STX8: variants seen among roughly 807,000 people sequenced by gnomAD.
STX8 encodes the protein syntaxin 8.
Under a neutral mutation model 37.5 loss-of-function variants are expected in STX8, and 23 were observed. That is an observed-to-expected ratio of 0.61 (90% confidence interval 0.44 to 0.87). The LOEUF is 0.87. STX8 is among the 40% of genes least tolerant of loss of function. The pLI is 0.00. For missense variants in STX8, 313 were observed against 284.7 expected (o/e 1.10, Z -0.71); for synonymous variants, 115 against 99.1 (o/e 1.16, Z -0.95).
chr17:9,347,164 G>C (rs1342181036), intron 7 of STX8, among the ~76,000 whole-genome samples: 1 of 151,542 alleles, frequency 6.6e-6, no homozygotes, highest in East Asian at 1.9e-4. Context: ...AAAAAGAAAT[G>C]CCTCTCCTTT....
intron 6 of STX8, among the ~76,000 whole-genome samples, chr17:9,429,303 C>T (rs949831639): frequency 6.9e-5 from 10 of 144,044 alleles, no homozygotes; most frequent in African/African-American, 2.3e-4. Context: ...TATATAAATA[C>T]ATTATTTATA....
At chr17:9,352,103 G>A (rs563692025) in intron 7 of STX8, among the ~76,000 whole-genome samples, 3 of 149,950 alleles carry the variant, frequency 2.0e-5, no homozygotes, top group South Asian at 2.1e-4. Flanking sequence ...GGTGAGCTAC[G>A]ATTGTGCCAC....
At chr17:9,437,516 G>A (rs1305636552) in intron 6 of STX8, among the ~76,000 whole-genome samples, 2 of 152,182 alleles carry the variant, frequency 1.3e-5, no homozygotes, top group South Asian at 2.1e-4. Flanking sequence ...AATTGCAGAC[G>A]TCTGACAACT....
intron 1 of STX8, among the ~76,000 whole-genome samples, chr17:9,573,730 T>C (rs1411353427): frequency 6.6e-6 from 1 of 152,138 alleles, no homozygotes; most frequent in East Asian, 1.9e-4. Context: ...ACAGTTCTAT[T>C]TCACTTTCAA....
At chr17:9,257,884 G>A (rs1444186976) in intron 7 of STX8, among the ~76,000 whole-genome samples, 1 of 152,242 alleles carries the variant, frequency 6.6e-6, no homozygotes, top group East Asian at 1.9e-4. Context: ...AGCTACTTGG[G>A]AGGCTGAGGC....
At chr17:9,329,026 G>A (rs569639283) in intron 7 of STX8, among the ~76,000 whole-genome samples, 2 of 134,148 alleles carry the variant, frequency 1.5e-5, no homozygotes, top group East Asian at 2.2e-4. Flanking sequence ...CTTGAGCATG[G>A]GCGACAAGAG....
intron 6 of STX8, among the ~76,000 whole-genome samples, chr17:9,422,019 C>T (rs1412720423): frequency 4.6e-5 from 7 of 152,034 alleles, no homozygotes; most frequent in African/African-American, 7.2e-5. Flanking sequence ...CCTGAGGCCT[C>T]GCCGAGCCAT....
intron 7 of STX8, among the ~76,000 whole-genome samples, chr17:9,293,967 G>A (rs1055291448): frequency 2.0e-5 from 3 of 151,790 alleles, no homozygotes; most frequent in African/African-American, 4.8e-5. Flanking sequence ...GGGTTTCACC[G>A]TGTTAGCCAG....
In STX8 at chr17:9,338,048, A is replaced by ATTT. The variant is rs972471091; in HGVS notation, c.643+40501_643+40503dup. On this transcript the variant is annotated intron_variant, in intron 7 of 7. Transcript: ENST00000306357. ...GAGGGCTTTGGGGCACCTCTGAAGG[A>ATTT]TTTTTTTTTTTTTTTTTTTTTTGAG... is the stretch of plus-strand genomic sequence containing the variant. 1.2e-3 allele frequency among the ~76,000 whole-genome samples: 129 copies of ATTT among 107,888 alleles called. 1 individual carries two copies. Among genetic ancestry groups the ATTT allele is most frequent in the African/African-American group, 2.6e-3 (72 of 27,452 alleles). The allele number at this position is 107,888 out of a possible 152,430, so 70.8% of individuals were successfully genotyped here.
intron 2 of STX8, among the ~76,000 whole-genome samples, chr17:9,567,765 C>A (rs1479318846): frequency 6.6e-6 from 1 of 152,250 alleles, no homozygotes; most frequent in Non-Finnish European, 1.5e-5. Flanking sequence ...TAGCTCACTG[C>A]AGCCTCCACC....
At chr17:9,501,730 T>C (rs534854566) in intron 5 of STX8, among the ~76,000 whole-genome samples, 45 of 151,012 alleles carry the variant, frequency 3.0e-4, no homozygotes, top group African/African-American at 9.7e-4. Context: ...TCCCAGCACT[T>C]TGGGAGGCCG....
intron 7 of STX8, among the ~76,000 whole-genome samples, chr17:9,367,616 G>C (rs1911268023): frequency 6.6e-6 from 1 of 152,122 alleles, no homozygotes; most frequent in African/African-American, 2.4e-5. Flanking sequence ...CAAAATGTGG[G>C]AATAAACTAA....
At chr17:9,330,678 C>G (rs1018324266) in intron 7 of STX8, among the ~76,000 whole-genome samples, 2 of 152,234 alleles carry the variant, frequency 1.3e-5, no homozygotes, top group African/African-American at 2.4e-5. Context: ...GGGATGGCCC[C>G]TGGCAGAGCC....
At chr17:9,478,377 CTGCCCTCCT>C (rs1308860604) in intron 6 of STX8, among the ~76,000 whole-genome samples, 4 of 152,174 alleles carry the variant, frequency 2.6e-5, no homozygotes, top group African/African-American at 9.6e-5. Flanking sequence ...CTCAGGTGAT[CTGCCCTCCT>C]TGGCCTCCCA....
At chr17:9,336,143 C>A (rs1251183827) in intron 7 of STX8, among the ~76,000 whole-genome samples, 1 of 152,042 alleles carries the variant, frequency 6.6e-6, no homozygotes, top group East Asian at 1.9e-4. Context: ...CATTTCAAAC[C>A]CCTTCTAATG....
At chr17:9,353,298 C>T (rs2142248431) in intron 7 of STX8, among the ~76,000 whole-genome samples, 1 of 152,260 alleles carries the variant, frequency 6.6e-6, no homozygotes. Flanking sequence ...TCTAGGCTTG[C>T]CTTTTATCTT....
intron 7 of STX8, among the ~76,000 whole-genome samples, chr17:9,295,645 A>T (rs558016746): frequency 6.6e-6 from 1 of 152,122 alleles, no homozygotes; most frequent in East Asian, 1.9e-4. Context: ...CGGGAGGCTG[A>T]GGCAGGAGAA....
At chr17:9,376,723 G>A (rs574796358) in intron 7 of STX8, among the ~76,000 whole-genome samples, 41 of 152,100 alleles carry the variant, frequency 2.7e-4, no homozygotes, top group South Asian at 1.7e-3. Context: ...CGAACCCACC[G>A]GAAGGAAGAA....
At chr17:9,406,396 T>C (rs1912805167) in intron 6 of STX8, among the ~76,000 whole-genome samples, 1 of 152,194 alleles carries the variant, frequency 6.6e-6, no homozygotes, top group African/African-American at 2.4e-5. Context: ...GCAGAGATGA[T>C]TAACATCATA....
Sources: gnomAD v4.1 joint callset for allele counts (sites outside exome capture counted in the v4.1 genomes callset) on GRCh38, gnomAD v4.1.1 for gene constraint, MANE v1.5 for transcripts, NCBI Gene and HGNC (gene_info 2026-07-23, HGNC 2026-07-21) for gene names.